Variants in ZNF81 observed in about 807,000 individuals in gnomAD.
ZNF81 encodes the protein zinc finger protein 81 (HFZ20).
In ZNF81, 5 loss-of-function variants were observed where a neutral mutation model predicts 32.3. The observed-to-expected ratio is 0.15, with a 90% CI of 0.08 to 0.33. The LOEUF is 0.33. Ranked by LOEUF, ZNF81 falls within the 10% of genes least tolerant of loss-of-function variation. The pLI is 1.00. For missense variants in ZNF81, 379 were observed against 479.8 expected (o/e 0.79, Z 1.96); for synonymous variants, 163 against 166.8 (o/e 0.98, Z 0.17).
chrX:47,868,995 C>T (rs2058570521), intron 2 of ZNF81, among the ~76,000 whole-genome samples: 2 of 110,373 alleles, frequency 1.8e-5, no homozygotes, highest in African/African-American at 6.6e-5. Context: ...AGGATTCCCA[C>T]CAGTATGGAT....
chrX:47,885,238 C>G (rs1016171115), intron 2 of ZNF81, among the ~76,000 whole-genome samples: 3 of 111,384 alleles, frequency 2.7e-5, no homozygotes, highest in Admixed American at 9.5e-5. Flanking sequence ...ATCTTGTCTT[C>G]TTTGGTTCTC....
chrX:47,886,223 T>C (rs1556885728), intron 2 of ZNF81, among the ~76,000 whole-genome samples: 10 of 112,281 alleles, frequency 8.9e-5, no homozygotes, highest in Non-Finnish European at 5.6e-5. Context: ...TCTCCACACC[T>C]TTCTGTCTCT....
In ZNF81 at chrX:47,914,917, T is replaced by C. The variant is rs781825959; in HGVS notation, c.278-7T>C. The C allele has an allele frequency of 4.1e-5, 49 of 1,207,129 alleles. No individual in the cohort carries two copies. The highest frequency in any genetic ancestry group is 4.9e-5 in the Non-Finnish European group (44 of 893,018). On this transcript the variant is annotated splice_polypyrimidine_tract_variant and splice_region_variant and intron_variant, in intron 4 of 4. Coordinates refer to ENST00000338637, the MANE Select transcript of ZNF81 (RefSeq NM_007137.5). ...GTGTCAATTTTACTTTTTCTTTCTC[T>C]TTTTAGATGGGAAATTTGGAATTAA...
intron 2 of ZNF81, among the ~76,000 whole-genome samples, chrX:47,866,251 G>A (rs781864748): frequency 4.0e-4 from 45 of 111,975 alleles, no homozygotes; most frequent in African/African-American, 1.4e-3. Flanking sequence ...AGAAAAAGAC[G>A]TAGCCAGCAT....
At chrX:47,857,644 C>T (rs2058522790) in intron 2 of ZNF81, among the ~76,000 whole-genome samples, 1 of 111,101 alleles carries the variant, frequency 9.0e-6, no homozygotes, top group Admixed American at 9.6e-5. Context: ...ATCACTTTTC[C>T]CCTTCTATGC....
At chrX:47,840,909 A>G (rs1176951086) in intron 1 of ZNF81, 1 of 449,609 alleles carries the variant, frequency 2.2e-6, no homozygotes, top group Admixed American at 3.5e-5. Context: ...CCAAAAATAA[A>G]AACACATGCT....
Position 47,915,543 on chromosome X carries a change from A to G in ZNF81, c.897A>G (p.Glu299=). The change falls in exon 5 of 5, where the codon GAA becomes GAG. Residue 299 remains glutamate, a synonymous_variant. Transcript: ENST00000338637. ...CTCCTCAAAAAATTCATACTGTGGAAAAACCTCATGAGCTTAGCAAATGTG... is the reference window on the plus strand; with the variant it reads ...CTCCTCAAAAAATTCATACTGTGGAGAAACCTCATGAGCTTAGCAAATGTG... The part of the protein sequence containing the change: ...FFAPQKIHTV[E]KPHELSKCVN... 1.7e-6 allele frequency: 2 copies of G among 1,211,878 alleles called. No homozygotes were observed. The highest frequency in any genetic ancestry group is 2.2e-6 in the Non-Finnish European group (2 of 895,557).
At chrX:47,895,514 T>A (rs1382305139) in intron 3 of ZNF81, among the ~76,000 whole-genome samples, 3 of 111,912 alleles carry the variant, frequency 2.7e-5, no homozygotes, top group African/African-American at 9.7e-5. Context: ...AGAGAGAGCA[T>A]GACCCTGCTG....
At chrX:47,873,298 C>T (rs2058587120) in intron 2 of ZNF81, among the ~76,000 whole-genome samples, 2 of 112,004 alleles carry the variant, frequency 1.8e-5, no homozygotes, top group Non-Finnish European at 3.8e-5. Context: ...AAATTTGAGG[C>T]AGTTGTAGAA....
At chrX:47,883,941 C>T (rs56319735) in intron 2 of ZNF81, among the ~76,000 whole-genome samples, 6,362 of 92,270 alleles carry the variant, frequency 0.069, 206 homozygotes, top group African/African-American at 0.13. Flanking sequence ...GATGGCCCTT[C>T]TGAGGTTAGG....
chrX:47,884,138 C>T (rs556625167), intron 2 of ZNF81, among the ~76,000 whole-genome samples: 9 of 104,337 alleles, frequency 8.6e-5, no homozygotes, highest in African/African-American at 2.5e-4. Flanking sequence ...CCCAGCTGCT[C>T]GGGAGGCTGA....
chrX:47,863,404 G>A (rs1556882845), intron 2 of ZNF81, among the ~76,000 whole-genome samples: 1 of 112,116 alleles, frequency 8.9e-6, no homozygotes, highest in Admixed American at 9.4e-5. Flanking sequence ...CTGCTGGATT[G>A]TGATATGTTG....
chrX:47,862,534 A>AG (rs2058545267), intron 2 of ZNF81, among the ~76,000 whole-genome samples: 1 of 110,034 alleles, frequency 9.1e-6, no homozygotes, highest in South Asian at 3.8e-4. Flanking sequence ...AAAAAAAAAA[A>AG]AAAAGAAAAA....
intron 2 of ZNF81, among the ~76,000 whole-genome samples, chrX:47,874,026 A>C (rs1556884225): frequency 1.8e-5 from 2 of 111,880 alleles, no homozygotes; most frequent in Admixed American, 1.9e-4. Context: ...CCCAAAACTA[A>C]GTAGCTGCTG....
intron 2 of ZNF81, among the ~76,000 whole-genome samples, chrX:47,864,863 G>A (rs782389398): frequency 4.9e-4 from 55 of 112,549 alleles, no homozygotes; most frequent in African/African-American, 1.8e-3. Context: ...AGTCTTCCAA[G>A]TGGGAGACTG....
intron 2 of ZNF81, 139 bp from the exon 3 acceptor site, chrX:47,887,860 A>C: frequency 1.6e-6 from 1 of 617,336 alleles, no homozygotes; most frequent in African/African-American, 2.2e-5. Flanking sequence ...ACATATGTGT[A>C]TATATATAAA....
Position 47,892,082 on chromosome X carries a change from A to G in ZNF81, c.182-3763A>G, listed in dbSNP as rs139250708. ...ACCTAGAATTCCTCTACTTATACAG[A>G]TCAACTTATTATTGTGTAGACTGCC... On this transcript the variant is annotated intron_variant, in intron 3 of 4. Transcript: ENST00000338637. 7.0e-4 allele frequency among the ~76,000 whole-genome samples: 78 copies of G among 111,414 alleles called. 1 individual carries two copies. In the East Asian group the frequency reaches 0.016, roughly 24 times the overall value.
rs183564283 is a variant in ZNF81, at chrX:47,848,001, A to G, written c.54+1680A>G. ...ACAATCTCGGCTCACTGCAAGCTCC[A>G]CCTCCTGGGTTCACACCATTCTCCT... On this transcript the variant is annotated intron_variant, in intron 2 of 4. Coordinates refer to ENST00000338637, the MANE Select transcript of ZNF81 (RefSeq NM_007137.5). Among the ~76,000 whole-genome samples, 162 of 107,795 alleles carry G rather than the reference A, an allele frequency of 1.5e-3. 2 individuals are homozygous for G. Among genetic ancestry groups the G allele is most frequent in the Admixed American group, 0.013 (130 of 9,992 alleles). The allele number at this position is 107,795 out of a possible 115,157, so 93.6% of individuals were successfully genotyped here.
chrX:47,860,206 C>A (rs186500608), intron 2 of ZNF81, among the ~76,000 whole-genome samples: 1 of 98,815 alleles, frequency 1.0e-5, no homozygotes, highest in Admixed American at 1.2e-4. Context: ...GATGGAATCT[C>A]GCTGTATTGC....
Sources: gnomAD v4.1 joint callset for allele counts (sites outside exome capture counted in the v4.1 genomes callset) on GRCh38, gnomAD v4.1.1 for gene constraint, MANE v1.5 for transcripts, NCBI Gene and HGNC (gene_info 2026-07-23, HGNC 2026-07-21) for gene names.